ADAM12: variants seen among roughly 807,000 people sequenced by gnomAD.
ADAM12 encodes ADAM metallopeptidase domain 12, also known as disintegrin and metalloproteinase domain-containing protein 12.
Under a neutral mutation model 106.4 loss-of-function variants are expected in ADAM12, and 70 were observed. That is an observed-to-expected ratio of 0.66 (90% CI 0.54 to 0.80). ADAM12 has a LOEUF of 0.80. Among genes scored for constraint, ADAM12 ranks in the 30% least tolerant of loss-of-function variants. The pLI is 0.00. For missense variants in ADAM12, 1,010 were observed against 1,171.9 expected, an observed-to-expected ratio of 0.86 and a Z score of 2.02; for synonymous variants, 420 against 433.5, an observed-to-expected ratio of 0.97 and a Z score of 0.39.
At chr10:126,131,104 CTTTTTTTTTTTTTTT>C (rs71029289) in intron 5 of ADAM12, among the ~76,000 whole-genome samples, 8 of 100,934 alleles carry the variant, frequency 7.9e-5, no homozygotes, top group African/African-American at 1.1e-4. Context: ...CAGCTGTCTT[CTTTTTTTTTTTTTTT>C]TTTTTTTTTT....
intron 8 of ADAM12, among the ~76,000 whole-genome samples, chr10:126,106,518 G>C (rs1193139280): frequency 1.5e-5 from 2 of 132,186 alleles, no homozygotes; most frequent in Non-Finnish European, 3.1e-5. Flanking sequence ...ATGGAGTCTC[G>C]CTCTGTCACC....
intron 3 of ADAM12, among the ~76,000 whole-genome samples, chr10:126,196,450 T>C (rs1957598225): frequency 1.3e-5 from 2 of 152,230 alleles, no homozygotes; most frequent in Admixed American, 6.5e-5. Flanking sequence ...ATGCTCACTA[T>C]AGGTTTATGT....
chr10:126,239,459 C>A (rs1958481282), intron 3 of ADAM12, among the ~76,000 whole-genome samples: 1 of 152,214 alleles, frequency 6.6e-6, no homozygotes, highest in South Asian at 2.1e-4. Context: ...TAACCCTCAA[C>A]TTTCTGGAGT....
chr10:126,102,741 A>G (rs1440765756), intron 8 of ADAM12, among the ~76,000 whole-genome samples: 1 of 152,200 alleles, frequency 6.6e-6, no homozygotes, highest in Non-Finnish European at 1.5e-5. Context: ...ACACAGCCCA[A>G]CAGTTTGTTT....
intron 21 of ADAM12, 22 bp from the exon 22 acceptor site, chr10:126,019,847 G>T (rs374671804): frequency 6.2e-7 from 1 of 1,603,846 alleles, no homozygotes; most frequent in Non-Finnish European, 8.5e-7. Context: ...ATAGGGTTAG[G>T]CAGGGTCACT....
At chr10:126,305,570 G>C (rs146362186) in intron 2 of ADAM12, among the ~76,000 whole-genome samples, 1 of 152,170 alleles carries the variant, frequency 6.6e-6, no homozygotes, top group African/African-American at 2.4e-5. Context: ...TGACGGTTAC[G>C]TGGGTGTATA....
intron 3 of ADAM12, among the ~76,000 whole-genome samples, chr10:126,262,765 T>TTA (rs1429716213): frequency 1.3e-5 from 2 of 152,150 alleles, no homozygotes; most frequent in African/African-American, 2.4e-5. Flanking sequence ...AAGGTTGCCA[T>TTA]TATATATAAG....
chr10:126,101,226 T>C lies in ADAM12; in HGVS notation c.757A>G (p.Asn253Asp), dbSNP rs1955661594. Reference protein sequence around the residue: ...NHVDKFYRPLNIRIVLVGVEV... With the variant: ...NHVDKFYRPLDIRIVLVGVEV... ...ACGCCTACCAACACGATCCGAATGT[T>C]CAGTGGTCTGTAAAACTGGGCAAAA... The change falls in exon 9 of 23, where the codon AAC becomes GAC. Residue 253 changes from asparagine to aspartate, a missense_variant. Asn to Asp is a conservative substitution (Grantham distance 23). This residue lies in a region of ADAM12 where 391 missense variants were observed against 442.9 expected (regional missense o/e 0.88). Coordinates refer to ENST00000448723, the MANE Select transcript of ADAM12 (RefSeq NM_001288973.2). The C allele has an allele frequency of 1.9e-6, 3 of 1,614,056 alleles. No homozygotes were observed. Among genetic ancestry groups the C allele is most frequent in the Non-Finnish European group, 2.5e-6 (3 of 1,179,962 alleles).
chr10:126,051,576 T>TCCAGCCAGCCAGCCAGCCAG (rs778622898), intron 14 of ADAM12, among the ~76,000 whole-genome samples: 3 of 84,580 alleles, frequency 3.5e-5, no homozygotes, highest in Admixed American at 1.2e-4. Context: ...CATCCATCCA[T>TCCAGCCAGCCAGCCAGCCAG]CCATCCATCC....
intron 11 of ADAM12, among the ~76,000 whole-genome samples, chr10:126,081,243 G>A (rs937314195): frequency 5.9e-5 from 9 of 152,164 alleles, no homozygotes; most frequent in African/African-American, 1.2e-4. Context: ...GGAAGTGACC[G>A]AGGAAGAAGG....
intron 4 of ADAM12, among the ~76,000 whole-genome samples, chr10:126,149,609 G>C (rs1427924179): frequency 1.3e-5 from 2 of 152,202 alleles, no homozygotes; most frequent in Non-Finnish European, 2.9e-5. Context: ...TGCCAGCGCG[G>C]CTAGAATAAA....
chr10:126,070,680 C>A (rs143152457), intron 12 of ADAM12: 1 of 152,240 alleles, frequency 6.6e-6, no homozygotes, highest in Non-Finnish European at 1.5e-5. Flanking sequence ...CATAAACTCT[C>A]GGGGAGGGAG....
intron 3 of ADAM12, among the ~76,000 whole-genome samples, chr10:126,233,174 C>T (rs192168260): frequency 3.3e-5 from 5 of 152,050 alleles, no homozygotes; most frequent in African/African-American, 4.8e-5. Flanking sequence ...GCAGGGTGTG[C>T]GGGAGAAGAA....
intron 14 of ADAM12, among the ~76,000 whole-genome samples, chr10:126,051,081 G>A (rs1347095074): frequency 1.3e-5 from 2 of 151,966 alleles, no homozygotes; most frequent in African/African-American, 2.4e-5. Flanking sequence ...TGATTTGTCC[G>A]CATTCTGCCT....
intron 1 of ADAM12, among the ~76,000 whole-genome samples, chr10:126,358,621 T>C (rs1358283651): frequency 6.6e-6 from 1 of 152,124 alleles, no homozygotes; most frequent in African/African-American, 2.4e-5. Context: ...CTATTCAACA[T>C]AGTGTTGGAA....
At chr10:126,179,467 A>C (rs1174257860) in intron 3 of ADAM12, among the ~76,000 whole-genome samples, 1 of 152,114 alleles carries the variant, frequency 6.6e-6, no homozygotes, top group Admixed American at 6.6e-5. Context: ...CTGATAAAAC[A>C]AAGTCAATTC....
At chr10:126,247,431 C>T (rs1223867852) in intron 3 of ADAM12, among the ~76,000 whole-genome samples, 1 of 152,230 alleles carries the variant, frequency 6.6e-6, no homozygotes, top group Admixed American at 6.5e-5. Context: ...AACCAAATTT[C>T]ACTCATGTAT....
chr10:126,387,928 G>A, intron 1 of ADAM12, 130 bp downstream of exon 1: 8 of 1,100,348 alleles, frequency 7.3e-6, no homozygotes, highest in Non-Finnish European at 9.0e-6. Context: ...GGAAGCGCAA[G>A]CCCCGGGGCT....
intron 3 of ADAM12, among the ~76,000 whole-genome samples, chr10:126,168,571 C>T (rs1203452216): frequency 6.6e-6 from 1 of 152,148 alleles, no homozygotes; most frequent in Admixed American, 6.5e-5. Flanking sequence ...TCTCCGGTCC[C>T]AGCCACCATT....
Sources: gnomAD v4.1 joint callset for allele counts (sites outside exome capture counted in the v4.1 genomes callset) on GRCh38, gnomAD v4.1.1 for gene constraint, gnomAD v4.1.1 regional missense constraint, MANE v1.5 for transcripts, NCBI Gene and HGNC (gene_info 2026-07-23, HGNC 2026-07-21) for gene names.